Variants in GRM8 observed in about 807,000 individuals in gnomAD.
The protein encoded by GRM8 is glutamate metabotropic receptor 8.
GRM8 carries 47 observed loss-of-function variants against 87.2 expected under a neutral mutation model. The ratio of observed to expected loss-of-function variants is 0.54; its 90% CI spans 0.43 to 0.69. GRM8 has a LOEUF of 0.69. GRM8 is among the 30% of genes least tolerant of loss of function. GRM8 has a pLI of 0.00. For synonymous variants in GRM8, 396 were observed against 404.5 expected (o/e 0.98, Z 0.25); for missense variants, 1,019 against 1,139.2 (o/e 0.89, Z 1.52).
At chr7:127,138,930 C>T (rs1433544214) in intron 2 of GRM8, among the ~76,000 whole-genome samples, 1 of 152,146 alleles carries the variant, frequency 6.6e-6, no homozygotes, top group Non-Finnish European at 1.5e-5. Flanking sequence ...CTAACACTGG[C>T]ACTCTGTCAA....
intron 6 of GRM8, among the ~76,000 whole-genome samples, chr7:126,781,931 G>T (rs552964565): frequency 6.6e-6 from 1 of 152,010 alleles, no homozygotes; most frequent in Admixed American, 6.6e-5. Flanking sequence ...TCCCAGGCTG[G>T]TTTTAAACTC....
At chr7:126,445,969 G>A (rs916078338) in intron 10 of GRM8, 157 bp downstream of exon 10, 17 of 833,234 alleles carry the variant, frequency 2.0e-5, no homozygotes, top group Admixed American at 1.5e-4. Flanking sequence ...CATTTGCTTC[G>A]AATGGTTTTA....
chr7:127,249,381 T>A (rs1225698200), intron 1 of GRM8, among the ~76,000 whole-genome samples: 2 of 152,166 alleles, frequency 1.3e-5, no homozygotes, highest in Non-Finnish European at 2.9e-5. Context: ...AAATGGAACA[T>A]CTGCATTCTC....
In GRM8 at chr7:127,106,730, G is replaced by C; in HGVS notation, c.511-18C>G. The C allele has an allele frequency of 6.6e-7, 1 of 1,522,426 alleles. No individual in the cohort carries two copies. The highest frequency in any genetic ancestry group is 9.1e-7 in the Non-Finnish European group (1 of 1,096,552). 94.3% of individuals were successfully genotyped at this position (1,522,426 alleles called of 1,614,324 possible). Reference sequence around the variant, plus strand: ...TGAGGTATCTGCAAAACAAATGATGGGTCATTTCAACCCATGACGAATCTT... The same window carrying C: ...TGAGGTATCTGCAAAACAAATGATGCGTCATTTCAACCCATGACGAATCTT... On this transcript the variant is annotated intron_variant, in intron 2 of 10. Coordinates refer to ENST00000339582, the MANE Select transcript of GRM8 (RefSeq NM_000845.3).
At chr7:126,640,805 T>C (rs1170490964) in intron 7 of GRM8, among the ~76,000 whole-genome samples, 1 of 152,132 alleles carries the variant, frequency 6.6e-6, no homozygotes, top group African/African-American at 2.4e-5. Flanking sequence ...ACTTTCTTTA[T>C]TTCAGGTGTA....
chr7:126,728,790 G>T (rs899442091), intron 7 of GRM8, among the ~76,000 whole-genome samples: 2 of 152,108 alleles, frequency 1.3e-5, no homozygotes, highest in African/African-American at 4.8e-5. Context: ...GAGGCTTCCT[G>T]CTGGCTTCTG....
intron 9 of GRM8, among the ~76,000 whole-genome samples, chr7:126,457,637 A>G (rs1046532002): frequency 6.6e-6 from 1 of 151,426 alleles, no homozygotes; most frequent in African/African-American, 2.4e-5. Context: ...AAATTAGCAA[A>G]TATTTTGAAC....
At chr7:127,216,952 TTATC>T (rs1796596116) in intron 2 of GRM8, among the ~76,000 whole-genome samples, 1 of 152,226 alleles carries the variant, frequency 6.6e-6, no homozygotes, top group Non-Finnish European at 1.5e-5. Flanking sequence ...ACCATATCAT[TTATC>T]TGTCACATCA....
intron 6 of GRM8, among the ~76,000 whole-genome samples, chr7:126,802,505 A>G (rs1822825389): frequency 6.6e-6 from 1 of 152,192 alleles, no homozygotes; most frequent in Admixed American, 6.5e-5. Context: ...AAAACGTGGC[A>G]TATATACACA....
rs149918088 is a variant in GRM8, at chr7:126,618,629, C to A, written c.1358-9131G>T. On this transcript the variant is annotated intron_variant, in intron 7 of 10. Coordinates refer to ENST00000339582, the MANE Select transcript of GRM8 (RefSeq NM_000845.3). ...GAGAAAATTTTTACCATCTACTCAT[C>A]TGACAAAGGGCTAATATCCACAATC... Among the ~76,000 whole-genome samples, 847 of 152,308 alleles carry A rather than the reference C, an allele frequency of 5.6e-3. 5 individuals carry two copies. The highest frequency in any genetic ancestry group is 0.024 in the South Asian group (115 of 4,824).
intron 2 of GRM8, among the ~76,000 whole-genome samples, chr7:127,119,689 T>C (rs1002159931): frequency 1.3e-5 from 2 of 152,214 alleles, no homozygotes; most frequent in Non-Finnish European, 2.9e-5. Flanking sequence ...AAGGTGTTCA[T>C]GAGCCCAGTT....
At chr7:126,901,284 A>T (rs1329915397) in intron 6 of GRM8, among the ~76,000 whole-genome samples, 1 of 152,152 alleles carries the variant, frequency 6.6e-6, no homozygotes, top group Non-Finnish European at 1.5e-5. Context: ...GGCGAGGCAT[A>T]CTCAGACCAC....
intron 6 of GRM8, among the ~76,000 whole-genome samples, chr7:126,797,855 T>A (rs138926257): frequency 3.2e-4 from 48 of 152,232 alleles, no homozygotes; most frequent in African/African-American, 9.9e-4. Context: ...CAACATGAAC[T>A]TTTGTCTGGC....
chr7:126,824,764 TCTTCAC>T (rs751809755), intron 6 of GRM8, among the ~76,000 whole-genome samples: 13 of 152,260 alleles, frequency 8.5e-5, no homozygotes, highest in Non-Finnish European at 1.6e-4. Context: ...AAAATTATTT[TCTTCAC>T]CTTCTTGGTT....
At chr7:126,535,450 G>T (rs1011529526) in intron 8 of GRM8, among the ~76,000 whole-genome samples, 3 of 152,180 alleles carry the variant, frequency 2.0e-5, no homozygotes, top group African/African-American at 4.8e-5. Flanking sequence ...GTGGTTAGAA[G>T]AAAACAGCTT....
chr7:126,765,491 G>A (rs2151591198), intron 7 of GRM8, among the ~76,000 whole-genome samples: 1 of 152,126 alleles, frequency 6.6e-6, no homozygotes, highest in South Asian at 2.1e-4. Context: ...CAGCTATAGG[G>A]CAAGGGAGTA....
intron 7 of GRM8, among the ~76,000 whole-genome samples, chr7:126,634,735 T>C (rs2151184850): frequency 6.6e-6 from 1 of 152,266 alleles, no homozygotes. Context: ...ATTACTAATA[T>C]TATCAAATGA....
intron 8 of GRM8, among the ~76,000 whole-genome samples, chr7:126,591,664 C>T (rs538191477): frequency 2.4e-4 from 37 of 151,596 alleles, no homozygotes; most frequent in Non-Finnish European, 4.0e-4. Flanking sequence ...GCAATAAATG[C>T]TTGCATCAAA....
chr7:127,065,827 T>C (rs1419523715), intron 3 of GRM8, among the ~76,000 whole-genome samples: 2 of 152,118 alleles, frequency 1.3e-5, no homozygotes, highest in Non-Finnish European at 2.9e-5. Flanking sequence ...ACTACTAAAA[T>C]TCCTGGTCAA....
Sources: gnomAD v4.1 joint callset for allele counts (sites outside exome capture counted in the v4.1 genomes callset) on GRCh38, gnomAD v4.1.1 for gene constraint, MANE v1.5 for transcripts, NCBI Gene and HGNC (gene_info 2026-07-23, HGNC 2026-07-21) for gene names.